The following FAM153A variants were observed in gnomAD, a reference collection of about 807,000 sequenced individuals.
FAM153A encodes the protein protein FAM153A.
In FAM153A, 12 loss-of-function variants were observed where a neutral mutation model predicts 48.1. That is an observed-to-expected ratio of 0.25 (90% CI 0.16 to 0.40). FAM153A has a LOEUF of 0.40. FAM153A is among the 10% of genes least tolerant of loss of function. The pLI, the probability that FAM153A is intolerant of heterozygous loss-of-function variation, is 1.00. For synonymous variants in FAM153A, 36 were observed against 118.2 expected (o/e 0.30, Z 4.51); for missense variants, 111 against 345.8 (o/e 0.32, Z 5.38).
At chr5:177,699,376 A>AC in the FAM153A span, among the ~76,000 whole-genome samples, 8 of 151,488 alleles carry the variant, frequency 5.3e-5, no homozygotes, top group African/African-American at 1.2e-4. Flanking sequence ...TAGAAAAACA[A>AC]TGGAAAAAAA....
chr5:177,734,905 C>A (rs756430082), exon 13 of FAM153A: 20 of 1,531,730 alleles, frequency 1.3e-5, no homozygotes, highest in Admixed American at 1.8e-5. Context: ...TGTAACTGGA[C>A]AGCTCCTGAA....
chr5:177,735,132 C>T (rs1163546591), intron 12 of FAM153A, among the ~76,000 whole-genome samples, 199 bp from the exon 15 acceptor site: 6 of 57,984 alleles, frequency 1.0e-4, no homozygotes, highest in Non-Finnish European at 1.9e-4. Context: ...GTGCACACCA[C>T]GCAGTGCAGG....
Position 177,735,142 on chromosome 5 carries a change from G to A in FAM153A, c.665-209C>T, listed in dbSNP as rs1026036612. 9.3e-5 allele frequency among the ~76,000 whole-genome samples: 14 copies of A among 150,002 alleles called. 1 individual carries two copies. The highest frequency in any genetic ancestry group is 3.3e-4 in the African/African-American group (13 of 39,928). On this transcript the variant is annotated intron_variant, in intron 12 of 20. Coordinates refer to ENST00000614127, the Ensembl canonical transcript of FAM153A. The stretch of plus-strand genomic sequence containing the variant: ...AAACAGTGCACACCACGCAGTGCAG[G>A]CTGTGTGTCCCTGGCAGCCTCTTAG...
chr5:177,709,508 C>T (rs191644764), downstream of FAM153A, among the ~76,000 whole-genome samples: 8 of 148,768 alleles, frequency 5.4e-5, no homozygotes, highest in African/African-American at 1.5e-4. Context: ...ATTACAGGCG[C>T]CCGCCACTAC....
At chr5:177,698,793 G>C in the FAM153A span, among the ~76,000 whole-genome samples, 4 of 151,570 alleles carry the variant, frequency 2.6e-5, no homozygotes, top group African/African-American at 9.8e-5. Context: ...TGAGTAGCTG[G>C]GACCACAGCA....
At chr5:177,712,192 C>A (rs1162398958) in exon 27 of FAM153A, 1 of 151,780 alleles carries the variant, frequency 6.6e-6, no homozygotes, top group Non-Finnish European at 1.5e-5. Context: ...AGATTCTCAG[C>A]CAGTTGCGGT....
upstream of FAM153A, among the ~76,000 whole-genome samples, chr5:177,753,762 A>G (rs1287644298): frequency 6.6e-6 from 1 of 151,354 alleles, no homozygotes; most frequent in Non-Finnish European, 1.5e-5. Context: ...ATGATTCAGT[A>G]CAACTTTCCA....
chr5:177,728,599 C>A (rs1361141496), intron 18 of FAM153A, among the ~76,000 whole-genome samples: 2 of 134,214 alleles, frequency 1.5e-5, no homozygotes, highest in African/African-American at 2.8e-5. Context: ...GACGGAGTTT[C>A]GCTCGTTGCC....
chr5:177,759,132 AC>A (rs1768050681), intron 1 of FAM153A, among the ~76,000 whole-genome samples: 2 of 152,076 alleles, frequency 1.3e-5, no homozygotes, highest in African/African-American at 4.8e-5. Context: ...CAAGAAAAAA[AC>A]AACCCCATTA....
Position 177,734,875 on chromosome 5 carries a change from T to C in FAM153A, c.723A>G (p.Pro241=), listed in dbSNP as rs774197729. The C allele has an allele frequency of 3.4e-6, 5 of 1,471,234 alleles. No individual in the cohort carries two copies. In the East Asian group the frequency reaches 6.9e-5, roughly 20 times the overall value. The allele number at this position is 1,471,234 out of a possible 1,614,324, so 91.1% of individuals were successfully genotyped here. The change falls in exon 13 of 21, where the codon CCA becomes CCG. Residue 241 remains proline, a synonymous_variant. Transcript: ENST00000614127. ...CAGTTGGCCTGACCTTCACCTCCTC[T>C]GGGTCCTCCTCCTCACCGTTGTAAC...
chr5:177,704,942 A>G (rs1048579749), downstream of FAM153A, among the ~76,000 whole-genome samples: 2 of 151,154 alleles, frequency 1.3e-5, no homozygotes, highest in Non-Finnish European at 2.9e-5. Flanking sequence ...TGGAGGGTGC[A>G]GTGAGCCAAG....
the FAM153A span, among the ~76,000 whole-genome samples, chr5:177,699,035 A>G: frequency 2.0e-5 from 3 of 151,822 alleles, no homozygotes; most frequent in African/African-American, 7.3e-5. Context: ...TCCTGGGCTC[A>G]AGTAATCCTC....
intron 1 of FAM153A, among the ~76,000 whole-genome samples, chr5:177,752,638 A>AAAAAG (rs776762823): frequency 0.042 from 3,821 of 90,812 alleles, no homozygotes; most frequent in Non-Finnish European, 0.062. Flanking sequence ...AAAAAAAAAA[A>AAAAAG]AAAAGAAAAG....
chr5:177,755,930 A>G (rs1286368455), upstream of FAM153A, among the ~76,000 whole-genome samples: 7 of 150,926 alleles, frequency 4.6e-5, no homozygotes, highest in Non-Finnish European at 1.0e-4. Flanking sequence ...GCGTCAACTA[A>G]CGAGCAAAAT....
At chr5:177,702,772 G>A in the FAM153A span, among the ~76,000 whole-genome samples, 1 of 152,076 alleles carries the variant, frequency 6.6e-6, no homozygotes, top group East Asian at 1.9e-4. Flanking sequence ...GCTTCAGAGG[G>A]TGCAAGCCAT....
chr5:177,754,064 G>C (rs2127700591), upstream of FAM153A, among the ~76,000 whole-genome samples: 1 of 151,952 alleles, frequency 6.6e-6, no homozygotes, highest in South Asian at 2.1e-4. Flanking sequence ...AAGTGCAAAG[G>C]GTCAGGGAAT....
chr5:177,752,720 G>C (rs1290636929), intron 1 of FAM153A, among the ~76,000 whole-genome samples: 27 of 110,888 alleles, frequency 2.4e-4, no homozygotes, highest in African/African-American at 8.3e-4. Flanking sequence ...AGGAGGTCAG[G>C]AGTTCAAGAC....
chr5:177,737,253 T>C (rs1422518831), intron 10 of FAM153A, 141 bp from the exon 13 acceptor site: 5 of 1,583,022 alleles, frequency 3.2e-6, no homozygotes, highest in African/African-American at 1.4e-5. Flanking sequence ...CCATCCTCCA[T>C]GGTGGAGGGA....
At chr5:177,715,707 A>T (rs1371959928) in intron 25 of FAM153A, among the ~76,000 whole-genome samples, 1 of 151,550 alleles carries the variant, frequency 6.6e-6, no homozygotes, top group South Asian at 2.1e-4. Flanking sequence ...TTTTTTTGTT[A>T]GTTTTTTTTG....
Sources: allele counts gnomAD v4.1 joint callset (sites outside exome capture counted in the v4.1 genomes callset), GRCh38; gene constraint gnomAD v4.1.1; transcripts MANE v1.5; gene names NCBI Gene and HGNC (gene_info 2026-07-23, HGNC 2026-07-21).